Variants in NRG1 observed in about 807,000 individuals in gnomAD.
NRG1 encodes pro-neuregulin-1, membrane-bound isoform.
A neutral mutation model predicts 63.8 loss-of-function variants in NRG1; 18 were observed. That is an observed-to-expected ratio of 0.28 (90% CI 0.19 to 0.42). The LOEUF is 0.42. Ranked by LOEUF, NRG1 falls within the 10% of genes least tolerant of loss-of-function variation. NRG1 has a pLI of 1.00. For synonymous variants in NRG1, 302 were observed against 301.3 expected, an observed-to-expected ratio of 1.00 and a Z score of -0.02; for missense variants, 762 against 814.7, an observed-to-expected ratio of 0.94 and a Z score of 0.79.
At chr8:32,333,412 G>A (rs1205861380) in intron 1 of NRG1, among the ~76,000 whole-genome samples, 4 of 152,120 alleles carry the variant, frequency 2.6e-5, no homozygotes, top group Non-Finnish European at 5.9e-5. Flanking sequence ...TAGAATGCAG[G>A]GGCTGTCTTT....
intron 1 of NRG1, among the ~76,000 whole-genome samples, chr8:32,165,485 A>G (rs1839303412): frequency 6.6e-6 from 1 of 152,172 alleles, no homozygotes; most frequent in Admixed American, 6.5e-5. Flanking sequence ...ATGAAAACAT[A>G]TGAGTATAAT....
At chr8:32,063,082 G>A (rs1053247064) in intron 1 of NRG1, 5 of 152,102 alleles carry the variant, frequency 3.3e-5, no homozygotes, top group African/African-American at 1.2e-4. Flanking sequence ...ATTTTCAGTA[G>A]TCAGACTTAT....
intron 1 of NRG1, among the ~76,000 whole-genome samples, chr8:31,704,639 T>G (rs968691741): frequency 1.3e-5 from 2 of 151,918 alleles, no homozygotes; most frequent in Non-Finnish European, 2.9e-5. Context: ...GAGACCATCC[T>G]GGCTAACACG....
chr8:32,731,371 G>C (rs1027216872), intron 6 of NRG1, among the ~76,000 whole-genome samples: 1 of 151,286 alleles, frequency 6.6e-6, no homozygotes, highest in Non-Finnish European at 1.5e-5. Context: ...ATTGTCTAGT[G>C]GATCATTCTT....
At chr8:32,086,017 T>C (rs1027376474) in intron 1 of NRG1, among the ~76,000 whole-genome samples, 8 of 152,198 alleles carry the variant, frequency 5.3e-5, no homozygotes, top group Non-Finnish European at 1.0e-4. Flanking sequence ...CAGGTAGACT[T>C]CTGTGAAATC....
chr8:32,079,023 T>C, intron 1 of NRG1, among the ~76,000 whole-genome samples: 1 of 152,186 alleles, frequency 6.6e-6, no homozygotes, highest in East Asian at 1.9e-4. Context: ...ACATTTTTCC[T>C]GTTGCTTAGA....
At chr8:32,024,327 G>T (rs1816910224) in intron 1 of NRG1, among the ~76,000 whole-genome samples, 1 of 152,170 alleles carries the variant, frequency 6.6e-6, no homozygotes, top group Non-Finnish European at 1.5e-5. Context: ...GAAAACAGAT[G>T]AAAATGAGCC....
At chr8:31,985,773 A>G (rs1042774454) in intron 1 of NRG1, among the ~76,000 whole-genome samples, 2 of 152,104 alleles carry the variant, frequency 1.3e-5, no homozygotes, top group Non-Finnish European at 2.9e-5. Context: ...TTCTGCAGAG[A>G]TTGGATTTCC....
intron 1 of NRG1, among the ~76,000 whole-genome samples, chr8:32,479,858 C>T (rs1417277702): frequency 2.0e-5 from 3 of 152,030 alleles, no homozygotes; most frequent in Non-Finnish European, 4.4e-5. Flanking sequence ...CCAGGTTGGC[C>T]AGGATGGTCT....
intron 5 of NRG1, among the ~76,000 whole-genome samples, chr8:32,651,901 C>T (rs1855210934): frequency 6.6e-6 from 1 of 152,064 alleles, no homozygotes; most frequent in South Asian, 2.1e-4. Context: ...CCGATTACAG[C>T]CTAAAATATT....
intron 1 of NRG1, among the ~76,000 whole-genome samples, chr8:31,774,553 C>T (rs1818934834): frequency 6.6e-6 from 1 of 151,998 alleles, no homozygotes; most frequent in Non-Finnish European, 1.5e-5. Flanking sequence ...GTCAAGTCAG[C>T]CTGAGGTCAA....
At chr8:31,710,756 G>T (rs1010281688) in intron 1 of NRG1, among the ~76,000 whole-genome samples, 3 of 151,888 alleles carry the variant, frequency 2.0e-5, no homozygotes, top group Admixed American at 6.6e-5. Flanking sequence ...TATTGAGCTT[G>T]GTTTTACTTT....
chr8:32,075,651 CTTTTTTTTTTTTTTTTTTTTTT>C (rs200354474), intron 1 of NRG1, among the ~76,000 whole-genome samples: 5 of 150,292 alleles, frequency 3.3e-5, no homozygotes, highest in African/African-American at 1.2e-4. Context: ...ATATTTTAAC[CTTTTTTTTTTTTTTTTTTTTTT>C]TTTTTTTTTT....
chr8:31,955,692 A>G (rs1471240734), intron 1 of NRG1, among the ~76,000 whole-genome samples: 1 of 152,100 alleles, frequency 6.6e-6, no homozygotes, highest in Non-Finnish European at 1.5e-5. Context: ...CCCAGCCTCA[A>G]AAAGTAGGGA....
chr8:31,794,042 TC>T (rs1441963087), intron 1 of NRG1, among the ~76,000 whole-genome samples: 2 of 152,108 alleles, frequency 1.3e-5, no homozygotes, highest in Non-Finnish European at 2.9e-5. Context: ...TGCTGGTTCC[TC>T]CTAACAGAGT....
chr8:32,484,516 T>C (rs1007737815), intron 1 of NRG1, among the ~76,000 whole-genome samples: 1 of 152,138 alleles, frequency 6.6e-6, no homozygotes, highest in African/African-American at 2.4e-5. Context: ...CATTTTGAAG[T>C]CAAGGTGATT....
At chr8:32,363,217 C>G (rs1396094712) in intron 1 of NRG1, among the ~76,000 whole-genome samples, 1 of 152,188 alleles carries the variant, frequency 6.6e-6, no homozygotes, top group African/African-American at 2.4e-5. Context: ...GATGGTTATT[C>G]ACCTCCATGA....
chr8:32,664,010 A>G (rs1042648490), intron 5 of NRG1, among the ~76,000 whole-genome samples: 14 of 152,196 alleles, frequency 9.2e-5, no homozygotes, highest in African/African-American at 2.7e-4. Context: ...GTGTATTTAA[A>G]CATCCATCCT....
At chr8:31,854,319 C>A (rs1249051305) in intron 1 of NRG1, among the ~76,000 whole-genome samples, 1 of 152,212 alleles carries the variant, frequency 6.6e-6, no homozygotes, top group Non-Finnish European at 1.5e-5. Context: ...AGAGATTCAA[C>A]TTCTTCCTGG....
Sources: gnomAD v4.1 joint callset for allele counts (sites outside exome capture counted in the v4.1 genomes callset) on GRCh38, gnomAD v4.1.1 for gene constraint, MANE v1.5 for transcripts, NCBI Gene and HGNC (gene_info 2026-07-23, HGNC 2026-07-21) for gene names.